The following ABLIM1 variants were observed in gnomAD, a reference collection of about 807,000 sequenced individuals.
ABLIM1 encodes the protein actin-binding LIM protein 1.
In ABLIM1, 40 loss-of-function variants were observed where a neutral mutation model predicts 107.0. The observed-to-expected ratio is 0.37, with a 90% CI of 0.29 to 0.49. ABLIM1 has a LOEUF of 0.49. ABLIM1 is among the 20% of genes least tolerant of loss of function. The pLI, the probability that ABLIM1 is intolerant of heterozygous loss-of-function variation, is 0.97. For missense variants in ABLIM1, 857 were observed against 1,008.5 expected, an observed-to-expected ratio of 0.85 and a Z score of 2.04; for synonymous variants, 357 against 357.3, an observed-to-expected ratio of 1.00 and a Z score of 0.01.
At chr10:114,659,536 T>C (rs958042326), upstream of ABLIM1, among the ~76,000 whole-genome samples, 3 of 152,116 alleles carry the variant, frequency 2.0e-5, no homozygotes, top group East Asian at 5.8e-4. Flanking sequence ...TGTAGAACTT[T>C]TGAAAAATAC....
chr10:114,723,735 G>A (rs1198084593), intron 1 of ABLIM1, among the ~76,000 whole-genome samples: 1 of 152,150 alleles, frequency 6.6e-6, no homozygotes, highest in Non-Finnish European at 1.5e-5. Flanking sequence ...CACACTTGAG[G>A]GTTATCTGAT....
intron 6 of ABLIM1, among the ~76,000 whole-genome samples, chr10:114,510,543 C>T (rs1288128294): frequency 1.3e-5 from 2 of 151,990 alleles, no homozygotes; most frequent in African/African-American, 4.8e-5. Flanking sequence ...GGGCGTTGAA[C>T]ACATATTAGG....
At chr10:114,515,738 C>T (rs1346922804) in intron 6 of ABLIM1, among the ~76,000 whole-genome samples, 5 of 152,202 alleles carry the variant, frequency 3.3e-5, no homozygotes, top group Non-Finnish European at 5.9e-5. Context: ...TGTTAATCCA[C>T]TATGACTGAT....
chr10:114,552,103 G>C (rs1474948098), intron 4 of ABLIM1, among the ~76,000 whole-genome samples: 1 of 152,072 alleles, frequency 6.6e-6, no homozygotes, highest in South Asian at 2.1e-4. Flanking sequence ...ATCCTGACCC[G>C]AAGTATTCTG....
chr10:114,671,595 A>G (rs917448836), intron 1 of ABLIM1, among the ~76,000 whole-genome samples: 14 of 152,232 alleles, frequency 9.2e-5, no homozygotes, highest in Non-Finnish European at 2.1e-4. Context: ...ATGTAGGAGA[A>G]TTGCAGTTGT....
chr10:114,611,816 C>T (rs551516243), intron 1 of ABLIM1, among the ~76,000 whole-genome samples: 5 of 152,254 alleles, frequency 3.3e-5, no homozygotes, highest in African/African-American at 1.2e-4. Context: ...AAAAGCATGA[C>T]TCCTTTGACA....
intron 1 of ABLIM1, among the ~76,000 whole-genome samples, chr10:114,683,124 A>G (rs1425544969): frequency 6.6e-6 from 1 of 152,230 alleles, no homozygotes; most frequent in African/African-American, 2.4e-5. Flanking sequence ...CAAATTCTAT[A>G]TTTGAGGAAA....
At chr10:114,463,594 C>T (rs910134752) in intron 12 of ABLIM1, among the ~76,000 whole-genome samples, 2 of 151,162 alleles carry the variant, frequency 1.3e-5, no homozygotes, top group Non-Finnish European at 3.0e-5. Context: ...CTTAAGCAAA[C>T]ATCCCACTGT....
chr10:114,459,538 C>T (rs545018324), intron 12 of ABLIM1, among the ~76,000 whole-genome samples: 18 of 149,056 alleles, frequency 1.2e-4, no homozygotes, highest in Non-Finnish European at 2.1e-4. Flanking sequence ...CTTTAATGTA[C>T]AAAATCTCCA....
chr10:114,673,909 C>T (rs1419880613), intron 1 of ABLIM1, among the ~76,000 whole-genome samples: 2 of 151,762 alleles, frequency 1.3e-5, no homozygotes, highest in Admixed American at 6.6e-5. Context: ...AGAAGAGAGA[C>T]ATTAAGGGCA....
intron 4 of ABLIM1, among the ~76,000 whole-genome samples, chr10:114,566,641 C>T (rs549066132): frequency 2.0e-5 from 3 of 152,322 alleles, no homozygotes; most frequent in South Asian, 2.1e-4. Context: ...CTTGCTTTCA[C>T]GTAATGTTTA....
intron 1 of ABLIM1, among the ~76,000 whole-genome samples, chr10:114,719,976 T>C (rs891675120): frequency 6.6e-6 from 1 of 152,196 alleles, no homozygotes; most frequent in Non-Finnish European, 1.5e-5. Flanking sequence ...ACCCATCACC[T>C]AGGTATTAAG....
intron 1 of ABLIM1, 125 bp downstream of exon 1, chr10:114,657,832 A>C: frequency 1.2e-6 from 1 of 811,680 alleles, no homozygotes; most frequent in East Asian, 2.5e-5. Context: ...ACCCCCATTA[A>C]TTATATATTA....
intron 1 of ABLIM1, among the ~76,000 whole-genome samples, chr10:114,611,784 G>A (rs1297754494): frequency 1.3e-5 from 2 of 152,110 alleles, no homozygotes; most frequent in African/African-American, 4.8e-5. Flanking sequence ...AAATTGGCTT[G>A]GTGCCTTTTC....
At chr10:114,586,765 A>T (rs2074243928) in intron 2 of ABLIM1, among the ~76,000 whole-genome samples, 1 of 152,226 alleles carries the variant, frequency 6.6e-6, no homozygotes, top group East Asian at 1.9e-4. Flanking sequence ...GGACAAGATG[A>T]TCATGCTATT....
intron 4 of ABLIM1, among the ~76,000 whole-genome samples, chr10:114,557,043 T>C (rs78761400): frequency 0.057 from 8,748 of 152,300 alleles, 352 homozygotes; most frequent in African/African-American, 0.11. Flanking sequence ...AGAAGACACA[T>C]ACTGGGTGGG....
At chr10:114,676,278 AG>A (rs1390895888) in intron 1 of ABLIM1, among the ~76,000 whole-genome samples, 1 of 152,178 alleles carries the variant, frequency 6.6e-6, no homozygotes, top group East Asian at 1.9e-4. Context: ...GTAGATTGAG[AG>A]CAGCCTGGCC....
chr10:114,482,127 G>A (rs987184824), intron 8 of ABLIM1, among the ~76,000 whole-genome samples: 3 of 152,156 alleles, frequency 2.0e-5, no homozygotes, highest in Non-Finnish European at 4.4e-5. Flanking sequence ...ACTTGGTCCT[G>A]GGAATACCAT....
intron 2 of ABLIM1, among the ~76,000 whole-genome samples, chr10:114,598,350 G>T (rs980731215): frequency 2.1e-4 from 31 of 151,128 alleles, no homozygotes; most frequent in Non-Finnish European, 3.7e-4. Context: ...GCTTTGGGAG[G>T]CCAAGGCAGG....
Sources: gnomAD v4.1 joint callset for allele counts (sites outside exome capture counted in the v4.1 genomes callset) on GRCh38, gnomAD v4.1.1 for gene constraint, MANE v1.5 for transcripts, NCBI Gene and HGNC (gene_info 2026-07-23, HGNC 2026-07-21) for gene names.